The following ENAH variants were observed in gnomAD, a reference collection of about 807,000 sequenced individuals.
The protein encoded by ENAH is protein enabled homolog.
Under a neutral mutation model 78.7 loss-of-function variants are expected in ENAH, and 23 were observed. The ratio of observed to expected loss-of-function variants is 0.29; its 90% CI spans 0.21 to 0.41. ENAH has a LOEUF of 0.41. Ranked by LOEUF, ENAH falls within the 10% of genes least tolerant of loss-of-function variation. The probability of loss-of-function intolerance (pLI) is 1.00; values close to 1 mark genes in which losing one functional copy is unlikely to be tolerated. For synonymous variants in ENAH, 226 were observed against 241.0 expected, an observed-to-expected ratio of 0.94 and a Z score of 0.58; for missense variants, 544 against 691.0, an observed-to-expected ratio of 0.79 and a Z score of 2.39.
At chr1:225,514,083 A>C (rs2096397919) in intron 7 of ENAH, among the ~76,000 whole-genome samples, 1 of 152,246 alleles carries the variant, frequency 6.6e-6, no homozygotes, top group Admixed American at 6.5e-5. Flanking sequence ...TAATGGGTGA[A>C]TGTAGGTGAT....
At chr1:225,553,709 A>C (rs1391441929) in intron 3 of ENAH, among the ~76,000 whole-genome samples, 1 of 152,248 alleles carries the variant, frequency 6.6e-6, no homozygotes, top group East Asian at 1.9e-4. Flanking sequence ...GACTTAGAGA[A>C]ATGACCTACA....
chr1:225,509,503 C>T (rs925195850), intron 10 of ENAH, among the ~76,000 whole-genome samples: 39 of 152,224 alleles, frequency 2.6e-4, no homozygotes, highest in African/African-American at 8.9e-4. Context: ...CTAAGGAGCT[C>T]GGGTGTGTTT....
chr1:225,500,927 G>A (rs562571637), intron 12 of ENAH, 65 bp downstream of exon 12: 11 of 1,375,692 alleles, frequency 8.0e-6, no homozygotes, highest in Non-Finnish European at 6.2e-6. Flanking sequence ...TCAAAGATAT[G>A]CATATGGGAT....
intron 2 of ENAH, among the ~76,000 whole-genome samples, chr1:225,564,296 TG>T (rs1381514381): frequency 5.3e-5 from 8 of 151,730 alleles, no homozygotes; most frequent in Admixed American, 4.6e-4. Context: ...TGGGGTTTTT[TG>T]TTTTTTTTTG....
chr1:225,504,168 A>G (rs2096307354), intron 11 of ENAH, among the ~76,000 whole-genome samples: 1 of 151,186 alleles, frequency 6.6e-6, no homozygotes, highest in Non-Finnish European at 1.5e-5. Flanking sequence ...CACCAGGCCC[A>G]GCTAATTTTT....
intron 1 of ENAH, among the ~76,000 whole-genome samples, chr1:225,576,254 T>G (rs180855767): frequency 8.6e-5 from 12 of 140,336 alleles, no homozygotes; most frequent in Non-Finnish European, 1.4e-4. Context: ...CCAGCCTGCA[T>G]GACAGAGTGA....
At chr1:225,497,843 A>T (rs1455757286) in intron 13 of ENAH, 31 bp from the exon 14 acceptor site, 1 of 1,594,102 alleles carries the variant, frequency 6.3e-7, no homozygotes, top group South Asian at 1.1e-5. Flanking sequence ...ATTGAAAATA[A>T]ATATAATGAT....
chr1:225,549,363 C>T (rs1327782814), intron 3 of ENAH, among the ~76,000 whole-genome samples: 4 of 152,176 alleles, frequency 2.6e-5, no homozygotes, highest in Admixed American at 2.6e-4. Context: ...CCTCTTCCAT[C>T]CTCTTTCACT....
chr1:225,611,968 T>C (rs2096992293), intron 1 of ENAH, among the ~76,000 whole-genome samples: 1 of 152,158 alleles, frequency 6.6e-6, no homozygotes, highest in Non-Finnish European at 1.5e-5. Context: ...AAAACCCTCA[T>C]CCACTGCTGG....
chr1:225,597,800 G>A (rs960325228), intron 1 of ENAH, among the ~76,000 whole-genome samples: 1 of 151,960 alleles, frequency 6.6e-6, no homozygotes, highest in African/African-American at 2.4e-5. Flanking sequence ...ATTAATAGAT[G>A]ATGCATAAGG....
intron 3 of ENAH, among the ~76,000 whole-genome samples, chr1:225,548,012 G>A (rs1163782949): frequency 6.6e-6 from 1 of 152,114 alleles, no homozygotes; most frequent in Admixed American, 6.5e-5. Context: ...AGATCTGTGA[G>A]GACAAGACTT....
At chr1:225,577,557 T>C (rs923242229) in intron 1 of ENAH, among the ~76,000 whole-genome samples, 13 of 152,184 alleles carry the variant, frequency 8.5e-5, no homozygotes, top group African/African-American at 1.4e-4. Flanking sequence ...TTCTGAGAAA[T>C]AGAATAATAA....
chr1:225,555,177 T>C, intron 2 of ENAH, 94 bp from the exon 3 acceptor site: 1 of 1,135,414 alleles, frequency 8.8e-7, no homozygotes, highest in Admixed American at 2.6e-5. Flanking sequence ...TTCAAATGTG[T>C]TCCTAACAGA....
At chr1:225,537,268 C>A (rs1364317058) in intron 3 of ENAH, among the ~76,000 whole-genome samples, 1 of 152,154 alleles carries the variant, frequency 6.6e-6, no homozygotes, top group Non-Finnish European at 1.5e-5. Flanking sequence ...TGTCAGAATG[C>A]AGGTAAACCA....
At chr1:225,601,829 A>C (rs1466771672) in intron 1 of ENAH, among the ~76,000 whole-genome samples, 1 of 152,036 alleles carries the variant, frequency 6.6e-6, no homozygotes, top group Non-Finnish European at 1.5e-5. Flanking sequence ...ATCAATAAAA[A>C]TCAGGAAACA....
intron 1 of ENAH, among the ~76,000 whole-genome samples, chr1:225,610,883 A>T (rs747797366): frequency 2.0e-5 from 3 of 152,242 alleles, no homozygotes; most frequent in Non-Finnish European, 4.4e-5. Context: ...CCAAATGTCC[A>T]TCAACCTTAG....
chr1:225,653,761 G>A (rs951187307), upstream of ENAH, among the ~76,000 whole-genome samples: 1 of 152,214 alleles, frequency 6.6e-6, no homozygotes, highest in African/African-American at 2.4e-5. This position sits in a 1 kb window ranked among gnomAD's most constrained non-coding sequence, Gnocchi z 4.3. Context: ...ATCCCGGTCA[G>A]CCCAACTGCC....
At chr1:225,605,504 A>G (rs1457332881) in intron 1 of ENAH, among the ~76,000 whole-genome samples, 1 of 152,250 alleles carries the variant, frequency 6.6e-6, no homozygotes, top group Non-Finnish European at 1.5e-5. Flanking sequence ...AGGCCTACCT[A>G]TCTGACTACA....
At position 225,621,171 on chromosome 1, in the gene ENAH, A is replaced by G. The variant is rs200183453; in HGVS notation, c.5+31515T>C. 8.5e-5 allele frequency among the ~76,000 whole-genome samples: 13 copies of G among 152,310 alleles called. No individual in the cohort carries two copies. The East Asian group carries it at 2.3e-3, about 27-fold the overall frequency. ...CCTAATCATCTTTTTAAGAGTGACA[A>G]TGCTATCATCCTATTACCAAATTCC... On this transcript the variant is annotated intron_variant, in intron 1 of 13. Transcript: ENST00000366843.
Sources: gnomAD v4.1 joint callset for allele counts (sites outside exome capture counted in the v4.1 genomes callset) on GRCh38, gnomAD v4.1.1 for gene constraint, Gnocchi (gnomAD v3.1) non-coding constraint, MANE v1.5 for transcripts, NCBI Gene and HGNC (gene_info 2026-07-23, HGNC 2026-07-21) for gene names.